CCSER1: variants seen among roughly 807,000 people sequenced by gnomAD.
CCSER1 encodes the protein serine-rich coiled-coil domain-containing protein 1.
In CCSER1, 41 loss-of-function variants were observed where a neutral mutation model predicts 82.0. The ratio of observed to expected loss-of-function variants is 0.50; its 90% CI spans 0.39 to 0.65. CCSER1 has a LOEUF of 0.65. CCSER1 is among the 30% of genes least tolerant of loss of function. The pLI, the probability that CCSER1 is intolerant of heterozygous loss-of-function variation, is 0.00. For synonymous variants in CCSER1, 414 were observed against 383.9 expected (o/e 1.08, Z -0.92); for missense variants, 1,119 against 1,064.2 (o/e 1.05, Z -0.72).
intron 5 of CCSER1, among the ~76,000 whole-genome samples, chr4:90,483,672 C>A (rs1234897063): frequency 6.6e-6 from 1 of 151,572 alleles, no homozygotes; most frequent in South Asian, 2.1e-4. Flanking sequence ...GTTGAAAATT[C>A]TTTTCTTTAA....
intron 5 of CCSER1, among the ~76,000 whole-genome samples, chr4:90,600,878 G>T (rs561825315): frequency 6.6e-6 from 1 of 151,502 alleles, no homozygotes; most frequent in Non-Finnish European, 1.5e-5. Flanking sequence ...CTTTATATAA[G>T]CAATATTTTT....
chr4:91,580,589 A>ACAGG (rs1389589679), intron 10 of CCSER1, among the ~76,000 whole-genome samples: 1 of 151,778 alleles, frequency 6.6e-6, no homozygotes, highest in Non-Finnish European at 1.5e-5. Flanking sequence ...TACCTGGTGA[A>ACAGG]CAGGCAGGCA....
Position 90,724,000 on chromosome 4 carries a change from C to A in CCSER1, c.2010+9C>A. 6.6e-7 allele frequency: 1 copy of A among 1,505,202 alleles called. No individual in the cohort carries two copies. Among genetic ancestry groups the A allele is most frequent in the Non-Finnish European group, 9.1e-7 (1 of 1,103,494 alleles). The allele number at this position is 1,505,202 out of a possible 1,614,324, so 93.2% of individuals were successfully genotyped here. On this transcript the variant is annotated intron_variant, in intron 7 of 10. Transcript: ENST00000509176. ...AGCCAGTGCCTTTCAAGGTAAAAAA[C>A]AAACAAGAAAGCATTATTTATAAAA...
intron 10 of CCSER1, among the ~76,000 whole-genome samples, chr4:91,099,553 G>A (rs758011789): frequency 3.2e-4 from 49 of 152,128 alleles, no homozygotes; most frequent in Admixed American, 8.5e-4. Context: ...CATGTCCAAG[G>A]TAGTTGGGGC....
At chr4:91,429,731 T>C (rs1754184997) in intron 10 of CCSER1, among the ~76,000 whole-genome samples, 1 of 151,924 alleles carries the variant, frequency 6.6e-6, no homozygotes, top group Admixed American at 6.6e-5. Flanking sequence ...TTGTCATGAG[T>C]AAAATCTCAA....
At chr4:91,444,203 C>T (rs1355203141) in intron 10 of CCSER1, among the ~76,000 whole-genome samples, 1 of 152,020 alleles carries the variant, frequency 6.6e-6, no homozygotes, top group Non-Finnish European at 1.5e-5. Flanking sequence ...AAATAAAAAC[C>T]TGAGAACATG....
chr4:91,248,205 A>G (rs954544998), intron 10 of CCSER1, among the ~76,000 whole-genome samples: 16 of 152,236 alleles, frequency 1.1e-4, no homozygotes, highest in African/African-American at 3.4e-4. Context: ...ACTCATATAT[A>G]AAGGAATAAA....
At chr4:90,640,775 G>A (rs1276378605) in intron 6 of CCSER1, among the ~76,000 whole-genome samples, 3 of 152,028 alleles carry the variant, frequency 2.0e-5, no homozygotes, top group African/African-American at 7.2e-5. Flanking sequence ...TCTCCTTCCT[G>A]CCACCTTGTG....
chr4:90,131,147 G>A (rs374603630), intron 1 of CCSER1, among the ~76,000 whole-genome samples: 1 of 152,032 alleles, frequency 6.6e-6, no homozygotes, highest in Admixed American at 6.5e-5. Flanking sequence ...ACAGGCACGC[G>A]CCACCACACC....
At chr4:90,128,945 T>C (rs969070313) in intron 1 of CCSER1, among the ~76,000 whole-genome samples, 2 of 152,012 alleles carry the variant, frequency 1.3e-5, no homozygotes, top group Admixed American at 1.3e-4. Flanking sequence ...TTTTTACAGG[T>C]AGAAAAAAAT....
At chr4:91,228,103 C>CT (rs1353741401) in intron 10 of CCSER1, among the ~76,000 whole-genome samples, 8 of 152,118 alleles carry the variant, frequency 5.3e-5, no homozygotes, top group African/African-American at 1.9e-4. Context: ...TCTGCTTCTT[C>CT]TCCCATTATT....
At chr4:90,368,563 T>C (rs552326270) in intron 3 of CCSER1, among the ~76,000 whole-genome samples, 1 of 151,880 alleles carries the variant, frequency 6.6e-6, no homozygotes, top group East Asian at 1.9e-4. Context: ...AGCCAGGAGT[T>C]TGAGGCTGAA....
chr4:90,271,805 T>A (rs1726329004), intron 1 of CCSER1, among the ~76,000 whole-genome samples: 1 of 126,192 alleles, frequency 7.9e-6, no homozygotes, highest in South Asian at 2.9e-4. Context: ...GCTATAAAGA[T>A]ACTACCTGAG....
rs1406975342 is a variant in CCSER1 at position 91,320,282 on chromosome 4, AT to A, written c.2217+234291del. ...GATCTACTGTAAGAATGACTCTTCT[AT>A]TTATGAGACCATGAAGAAGAAAAAA... On this transcript the variant is annotated intron_variant, in intron 10 of 10. Coordinates refer to ENST00000509176, the MANE Select transcript of CCSER1 (RefSeq NM_001145065.2). Among the ~76,000 whole-genome samples the A allele has an allele frequency of 2.6e-5, 4 of 152,172 alleles. No homozygotes were observed. In the East Asian group the frequency reaches 7.7e-4, roughly 29 times the overall value.
At chr4:90,768,056 T>C (rs934117524) in intron 7 of CCSER1, among the ~76,000 whole-genome samples, 9 of 152,198 alleles carry the variant, frequency 5.9e-5, no homozygotes, top group African/African-American at 1.9e-4. Flanking sequence ...CCCTGTTGAC[T>C]TGCTCCACAT....
intron 1 of CCSER1, among the ~76,000 whole-genome samples, chr4:90,164,833 T>C (rs1730157387): frequency 6.6e-6 from 1 of 152,126 alleles, no homozygotes; most frequent in Non-Finnish European, 1.5e-5. Context: ...TACACTTTGC[T>C]ACCTTTTGAC....
chr4:90,726,659 C>T (rs1044522242), intron 7 of CCSER1, among the ~76,000 whole-genome samples: 11 of 152,130 alleles, frequency 7.2e-5, no homozygotes, highest in African/African-American at 2.7e-4. Flanking sequence ...TACATACTCA[C>T]TTCTCTATTC....
intron 8 of CCSER1, among the ~76,000 whole-genome samples, chr4:90,823,848 G>T (rs1322618632): frequency 1.3e-5 from 2 of 151,754 alleles, no homozygotes; most frequent in Non-Finnish European, 2.9e-5. Flanking sequence ...ATCTTCTGCA[G>T]ACTCTTTTTT....
chr4:90,311,589 C>A (rs1271843051), intron 2 of CCSER1, among the ~76,000 whole-genome samples: 1 of 152,064 alleles, frequency 6.6e-6, no homozygotes. Flanking sequence ...TAAAGAGTTG[C>A]TATAGACACT....
Sources: allele counts gnomAD v4.1 joint callset (sites outside exome capture counted in the v4.1 genomes callset), GRCh38; gene constraint gnomAD v4.1.1; transcripts MANE v1.5; gene names NCBI Gene and HGNC (gene_info 2026-07-23, HGNC 2026-07-21).